The following ASIC2 variants were observed in gnomAD, a reference collection of about 807,000 sequenced individuals.
The protein encoded by ASIC2 is acid-sensing ion channel 2.
A neutral mutation model predicts 57.3 loss-of-function variants in ASIC2; 25 were observed. That is an observed-to-expected ratio of 0.44 (90% CI 0.32 to 0.61). The LOEUF (loss-of-function observed/expected upper bound fraction) is 0.61, where lower values mean the gene tolerates loss of function less well. ASIC2 is among the 20% of genes least tolerant of loss of function. The pLI, the probability that ASIC2 is intolerant of heterozygous loss-of-function variation, is 0.06. For synonymous variants in ASIC2, 319 were observed against 307.5 expected, an observed-to-expected ratio of 1.04 and a Z score of -0.39; for missense variants, 641 against 738.1, an observed-to-expected ratio of 0.87 and a Z score of 1.52.
chr17:33,469,858 A>C (rs548221027), intron 1 of ASIC2, among the ~76,000 whole-genome samples: 33 of 152,298 alleles, frequency 2.2e-4, no homozygotes, highest in African/African-American at 7.7e-4. Flanking sequence ...TTTTGCAATA[A>C]TTTCAATATA....
intron 3 of ASIC2, among the ~76,000 whole-genome samples, chr17:33,079,218 C>G (rs1460928790): frequency 6.6e-6 from 1 of 152,088 alleles, no homozygotes; most frequent in African/African-American, 2.4e-5. Context: ...AAAGAATTCC[C>G]AGTTTGGCAG....
At chr17:33,833,904 T>TA (rs1297575984) in intron 1 of ASIC2, 6 of 151,864 alleles carry the variant, frequency 4.0e-5, no homozygotes, top group African/African-American at 1.5e-4. Flanking sequence ...CAAATGATAA[T>TA]AAAAAACAAT....
At chr17:33,058,055 G>T (rs1042921159) in intron 3 of ASIC2, among the ~76,000 whole-genome samples, 15 of 152,078 alleles carry the variant, frequency 9.9e-5, no homozygotes, top group Non-Finnish European at 2.9e-5. Flanking sequence ...AAAAAAAAAG[G>T]TATGTATGCC....
At chr17:33,142,394 T>C (rs1414394485) in intron 1 of ASIC2, among the ~76,000 whole-genome samples, 1 of 152,228 alleles carries the variant, frequency 6.6e-6, no homozygotes, top group South Asian at 2.1e-4. Flanking sequence ...GCGAATCCAC[T>C]CTTATCACCC....
chr17:33,723,759 T>C (rs1224186353), intron 1 of ASIC2, among the ~76,000 whole-genome samples: 1 of 152,228 alleles, frequency 6.6e-6, no homozygotes, highest in Non-Finnish European at 1.5e-5. Flanking sequence ...TTGTGGATGA[T>C]GGACGTATTC....
intron 3 of ASIC2, among the ~76,000 whole-genome samples, chr17:33,058,688 T>C (rs1195130279): frequency 1.3e-5 from 2 of 152,132 alleles, no homozygotes; most frequent in Non-Finnish European, 2.9e-5. Context: ...ATGAAAATCT[T>C]TGGGAAAATA....
intron 1 of ASIC2, among the ~76,000 whole-genome samples, chr17:33,509,648 G>A (rs1481427937): frequency 2.0e-5 from 3 of 152,242 alleles, no homozygotes; most frequent in African/African-American, 7.2e-5. Context: ...AGGCCGGCAA[G>A]TCAGGCCCCG....
chr17:33,327,386 A>G (rs1248623461), intron 1 of ASIC2, among the ~76,000 whole-genome samples: 2 of 152,238 alleles, frequency 1.3e-5, no homozygotes, highest in Non-Finnish European at 2.9e-5. Context: ...AGTGCCCAGC[A>G]CAGCATCCTA....
chr17:33,548,770 C>A (rs1287826690), intron 1 of ASIC2, among the ~76,000 whole-genome samples: 1 of 152,176 alleles, frequency 6.6e-6, no homozygotes, highest in Non-Finnish European at 1.5e-5. Flanking sequence ...CCTTGCTGTA[C>A]CTTAAGCAAG....
intron 1 of ASIC2, among the ~76,000 whole-genome samples, chr17:33,872,072 C>T (rs1173293319): frequency 6.6e-6 from 1 of 152,178 alleles, no homozygotes; most frequent in Non-Finnish European, 1.5e-5. Flanking sequence ...ATCTCCCTTG[C>T]AAGTGACTCG....
chr17:33,097,203 G>C (rs2092185226), intron 2 of ASIC2, among the ~76,000 whole-genome samples: 1 of 152,186 alleles, frequency 6.6e-6, no homozygotes, highest in African/African-American at 2.4e-5. Flanking sequence ...TGCAGGCTGG[G>C]ACCCTGAGCT....
At chr17:33,774,850 T>C (rs1911217236) in intron 1 of ASIC2, among the ~76,000 whole-genome samples, 1 of 152,184 alleles carries the variant, frequency 6.6e-6, no homozygotes, top group Non-Finnish European at 1.5e-5. Context: ...AAGTCAGCCA[T>C]AGGATAATTC....
intron 1 of ASIC2, among the ~76,000 whole-genome samples, chr17:33,437,317 C>T (rs922031465): frequency 6.6e-6 from 1 of 152,122 alleles, no homozygotes; most frequent in Non-Finnish European, 1.5e-5. Flanking sequence ...ATGGGCAAGA[C>T]TAAACTATAG....
chr17:33,596,732 T>C lies in ASIC2; in HGVS notation c.556-484665A>G, dbSNP rs1432704362. On this transcript the variant is annotated intron_variant, in intron 1 of 9. Transcript: ENST00000359872. ...CTTCTCCTCTCTTCTTCCTCCTCCA[T>C]GTCAATATCAAATTCATTGCCACCA... 3.9e-5 allele frequency among the ~76,000 whole-genome samples: 6 copies of C among 152,194 alleles called. No individual in the cohort carries two copies. The East Asian group carries it at 1.2e-3, about 29-fold the overall frequency.
In ASIC2 at chr17:33,161,103, T is replaced by C. The variant is rs144640579; in HGVS notation, c.709-49036A>G. Among the ~76,000 whole-genome samples the C allele has an allele frequency of 1.7e-3, 265 of 152,260 alleles. 2 individuals carry two copies. The highest frequency in any genetic ancestry group is 6.2e-3 in the African/African-American group (256 of 41,538). On this transcript the variant is annotated intron_variant, in intron 1 of 9. Coordinates refer to ENST00000225823, the MANE Select transcript of ASIC2 (RefSeq NM_183377.2). The stretch of plus-strand genomic sequence containing the variant: ...GAAGTAGCAGCATCTATTGTTATAA[T>C]AGAAGATAAAGGCCTGCTCCAGGGT...
Position 33,200,416 on chromosome 17 carries a change from A to G in ASIC2, c.709-88349T>C, listed in dbSNP as rs111921760. On this transcript the variant is annotated intron_variant, in intron 1 of 9. Coordinates refer to ENST00000225823, the MANE Select transcript of ASIC2 (RefSeq NM_183377.2). ...TCCCTTAACCTCTCTACACACAGAC[A>G]CCCAACTGCCCACTTACAAATCTCA... Among the ~76,000 whole-genome samples the G allele has an allele frequency of 6.5e-3, 984 of 152,204 alleles. 4 individuals are homozygous for G. Among genetic ancestry groups the G allele is most frequent in the African/African-American group, 0.013 (526 of 41,540 alleles).
chr17:33,460,681 G>C (rs1345260544), intron 1 of ASIC2, among the ~76,000 whole-genome samples: 1 of 152,224 alleles, frequency 6.6e-6, no homozygotes, highest in Non-Finnish European at 1.5e-5. Flanking sequence ...GAGAGCATGT[G>C]TCAGGCATGA....
intron 1 of ASIC2, among the ~76,000 whole-genome samples, chr17:33,359,066 G>A (rs141084359): frequency 5.3e-5 from 8 of 152,292 alleles, no homozygotes; most frequent in African/African-American, 1.7e-4. Context: ...AAGAAGGTTC[G>A]GAACTCCCTG....
At chr17:33,145,534 T>C (rs1417291870) in intron 1 of ASIC2, among the ~76,000 whole-genome samples, 1 of 152,232 alleles carries the variant, frequency 6.6e-6, no homozygotes, top group East Asian at 1.9e-4. Context: ...CACTGCTCTC[T>C]TTTGGCTTTT....
Sources: gnomAD v4.1 joint callset for allele counts (sites outside exome capture counted in the v4.1 genomes callset) on GRCh38, gnomAD v4.1.1 for gene constraint, MANE v1.5 for transcripts, NCBI Gene and HGNC (gene_info 2026-07-23, HGNC 2026-07-21) for gene names.